RGS3: variants seen among roughly 807,000 people sequenced by gnomAD.
The protein encoded by RGS3 is regulator of G-protein signalling 3.
In RGS3, 80 loss-of-function variants were observed where a neutral mutation model predicts 132.6. The ratio of observed to expected loss-of-function variants is 0.60; its 90% CI spans 0.50 to 0.73. The LOEUF (loss-of-function observed/expected upper bound fraction) is 0.73. RGS3 is among the 30% of genes least tolerant of loss of function. The probability of loss-of-function intolerance (pLI) is 0.00; values close to 1 mark genes in which losing one functional copy is unlikely to be tolerated. For missense variants in RGS3, 1,382 were observed against 1,530.8 expected (o/e 0.90, Z 1.62); for synonymous variants, 598 against 620.6 (o/e 0.96, Z 0.54).
At position 113,506,341 on chromosome 9, in the gene RGS3, G is replaced by A; in HGVS notation, c.980-47G>A. Reference sequence around the variant, plus strand: ...AAAGGACTCCAGATCCTTTGAAGGGGTCTTAGGCTTCAGGGGCCCCTGAAT... The same window carrying A: ...AAAGGACTCCAGATCCTTTGAAGGGATCTTAGGCTTCAGGGGCCCCTGAAT... On this transcript the variant is annotated intron_variant, in intron 11 of 24. Coordinates refer to ENST00000350696, the Ensembl canonical transcript of RGS3. This position sits in a 1 kb window ranked among gnomAD's most constrained non-coding sequence, Gnocchi z 4.7. 8.0e-7 allele frequency: 1 copy of A among 1,254,740 alleles called. No individual in the cohort carries two copies. The highest frequency in any genetic ancestry group is 1.1e-6 in the Non-Finnish European group (1 of 873,948). 77.7% of individuals were successfully genotyped at this position (1,254,740 alleles called of 1,614,324 possible).
At chr9:113,464,023 G>A (rs1829548662) in intron 3 of RGS3, 142 bp downstream of exon 1, 1 of 854,068 alleles carries the variant, frequency 1.2e-6, no homozygotes, top group Admixed American at 2.9e-5. Flanking sequence ...CCTTTCTCCT[G>A]TGACTGCCCA....
At chr9:113,517,616 G>T in exon 16 of RGS3, 2 of 1,613,570 alleles carry the variant, frequency 1.2e-6, no homozygotes, top group Non-Finnish European at 1.7e-6. Flanking sequence ...GAGGAACAAG[G>T]CTGCCGAGGT....
intron 11 of RGS3, 128 bp downstream of exon 9, chr9:113,505,651 G>T (rs1831096912): frequency 4.3e-6 from 3 of 705,878 alleles, no homozygotes; most frequent in African/African-American, 1.8e-5. Context: ...AAAATGAAAA[G>T]AATAATATTT....
At chr9:113,531,387 T>A (rs781676104) in intron 18 of RGS3, among the ~76,000 whole-genome samples, 18 of 152,208 alleles carry the variant, frequency 1.2e-4, no homozygotes, top group Non-Finnish European at 2.5e-4. Context: ...CTGAGTGATC[T>A]GGGGCCAGTT....
chr9:113,584,156 G>A (rs776005314), exon 20 of RGS3: 19 of 1,614,126 alleles, frequency 1.2e-5, no homozygotes, highest in South Asian at 2.2e-5. Flanking sequence ...GAGGCCAAGC[G>A]CAGCAGCATG....
chr9:113,552,977 T>C (rs570459853), intron 19 of RGS3, among the ~76,000 whole-genome samples: 27 of 152,310 alleles, frequency 1.8e-4, no homozygotes, highest in Admixed American at 3.9e-4. Context: ...TAAACATTAC[T>C]AAACTGAATA....
intron 1 of RGS3, among the ~76,000 whole-genome samples, chr9:113,445,600 G>A (rs976687533): frequency 6.6e-6 from 1 of 152,130 alleles, no homozygotes; most frequent in Non-Finnish European, 1.5e-5. Context: ...GATATTCTAG[G>A]CCCATACTCA....
intron 8 of RGS3, among the ~76,000 whole-genome samples, chr9:113,496,725 A>G (rs1240865408): frequency 6.6e-6 from 1 of 151,766 alleles, no homozygotes; most frequent in Non-Finnish European, 1.5e-5. Context: ...TAATTTTTGT[A>G]TTTTTAGTAG....
Position 113,507,700 on chromosome 9 carries a change from C to T in RGS3, c.1437+62C>T. ...GGGTCCCTGTGGGAGGCCAGGAAGA[C>T]TTGAAGACCCAAAGTTGTGTGATGA... On this transcript the variant is annotated intron_variant, in intron 13 of 24. Coordinates refer to ENST00000350696, the Ensembl canonical transcript of RGS3. The surrounding 1 kb of genome is among the most constrained non-coding windows in gnomAD (Gnocchi z 5.0). 7.5e-7 allele frequency: 1 copy of T among 1,331,620 alleles called. No individual in the cohort carries two copies. The highest frequency in any genetic ancestry group is 1.0e-6 in the Non-Finnish European group (1 of 1,001,380). The allele number at this position is 1,331,620 out of a possible 1,614,324, so 82.5% of individuals were successfully genotyped here.
chr9:113,554,859 C>T (rs1217307060), intron 19 of RGS3, among the ~76,000 whole-genome samples: 1 of 152,024 alleles, frequency 6.6e-6, no homozygotes, highest in Non-Finnish European at 1.5e-5. Context: ...GGGTTGAGAG[C>T]ACCTATATTT....
chr9:113,506,466 A>G lies in RGS3; in HGVS notation c.1058A>G (p.Lys353Arg). 1 of 1,596,318 alleles carries G rather than the reference A, an allele frequency of 6.3e-7. No homozygotes were observed. Among genetic ancestry groups the G allele is most frequent in the Non-Finnish European group, 8.5e-7 (1 of 1,172,756 alleles). ...AATGAGAGGCCTGTGGAGCACTGGAAATGTGTGGAGCTGGCCCACGAGATC... is the reference window on the plus strand; with the variant it reads ...AATGAGAGGCCTGTGGAGCACTGGAGATGTGTGGAGCTGGCCCACGAGATC... The change falls in exon 12 of 25, where the codon AAA (lysine) becomes AGA (arginine). Residue 353 changes from lysine to arginine, a missense_variant. Coordinates refer to ENST00000350696, the Ensembl canonical transcript of RGS3. This position sits in a 1 kb window ranked among gnomAD's most constrained non-coding sequence, Gnocchi z 4.7.
At chr9:113,467,623 G>T (rs978709957) in intron 3 of RGS3, among the ~76,000 whole-genome samples, 2 of 152,014 alleles carry the variant, frequency 1.3e-5, no homozygotes, top group Non-Finnish European at 2.9e-5. Flanking sequence ...TATTCTAGAT[G>T]CAAGCTCCTT....
At position 113,446,362 on chromosome 9, in the gene RGS3, G is replaced by A. The variant is rs145956242; in HGVS notation, c.-13+1435G>A. Among the ~76,000 whole-genome samples the A allele has an allele frequency of 6.7e-3, 1,016 of 152,310 alleles. 19 individuals carry two copies. Among genetic ancestry groups the A allele is most frequent in the South Asian group, 0.059 (284 of 4,832 alleles). Reference sequence around the variant, plus strand: ...AAAAGTTCTGGAGAAATGGTGGAGAGTCATTCCCAGGAATATAGCTTTGTA... The same window carrying A: ...AAAAGTTCTGGAGAAATGGTGGAGAATCATTCCCAGGAATATAGCTTTGTA... On this transcript the variant is annotated intron_variant, in intron 1 of 25. Transcript: ENST00000374140.
chr9:113,491,994 G>T (rs1395840382), intron 7 of RGS3, among the ~76,000 whole-genome samples: 4 of 152,174 alleles, frequency 2.6e-5, no homozygotes, highest in African/African-American at 9.7e-5. Flanking sequence ...AAGTACAGTG[G>T]CCTAACGTCA....
At chr9:113,490,815 CAATTAT>C (rs1240209268) in intron 7 of RGS3, among the ~76,000 whole-genome samples, 4 of 129,460 alleles carry the variant, frequency 3.1e-5, no homozygotes, top group Non-Finnish European at 4.7e-5. Context: ...TTATATATAA[CAATTAT>C]AATTATATCA....
intron 3 of RGS3, among the ~76,000 whole-genome samples, chr9:113,476,501 G>A (rs770870149): frequency 6.6e-6 from 1 of 152,198 alleles, no homozygotes; most frequent in Non-Finnish European, 1.5e-5. Flanking sequence ...GGCCTGGGGA[G>A]CCTGGAGTCT....
chr9:113,481,153 G>A (rs1353987212), intron 4 of RGS3, among the ~76,000 whole-genome samples: 10 of 152,344 alleles, frequency 6.6e-5, no homozygotes, highest in Non-Finnish European at 7.3e-5. Flanking sequence ...CAGGAAGGAA[G>A]GGTCATTTTG....
Position 113,591,471 on chromosome 9 carries a change from TC to T in RGS3, c.3080+76del. The T allele has an allele frequency of 7.6e-7, 1 of 1,323,660 alleles. No homozygotes were observed. Among genetic ancestry groups the T allele is most frequent in the Non-Finnish European group, 1.1e-6 (1 of 918,026 alleles). The allele number at this position is 1,323,660 out of a possible 1,614,324, so 82.0% of individuals were successfully genotyped here. On this transcript the variant is annotated intron_variant, in intron 21 of 24. Transcript: ENST00000350696. This position sits in a 1 kb window ranked among gnomAD's most constrained non-coding sequence, Gnocchi z 4.4. ...CCAGGGCTTGTCTCTCCTCTAGGGG[TC>T]CAGGTGGGGAGAAGAGGTTGTGCCT... is the stretch of plus-strand genomic sequence containing the variant.
chr9:113,460,124 C>T, upstream of RGS3: 1 of 697,428 alleles, frequency 1.4e-6, no homozygotes, highest in Middle Eastern at 6.8e-4. Flanking sequence ...TACATTTTGC[C>T]AGAGGTCTAT....
Sources: allele counts gnomAD v4.1 joint callset (sites outside exome capture counted in the v4.1 genomes callset), GRCh38; gene constraint gnomAD v4.1.1; non-coding constraint Gnocchi (gnomAD v3.1); transcripts MANE v1.5; gene names NCBI Gene and HGNC (gene_info 2026-07-23, HGNC 2026-07-21).